The following NRXN3 variants were observed in gnomAD, a reference collection of about 807,000 sequenced individuals.
NRXN3 encodes neurexin III.
A neutral mutation model predicts 137.6 loss-of-function variants in NRXN3; 32 were observed. The observed-to-expected ratio is 0.23, with a 90% CI of 0.18 to 0.31. The LOEUF is 0.31. Among genes scored for constraint, NRXN3 ranks in the 10% least tolerant of loss-of-function variants. The pLI, the probability that NRXN3 is intolerant of heterozygous loss-of-function variation, is 1.00. For synonymous variants in NRXN3, 798 were observed against 784.5 expected (o/e 1.02, Z -0.29); for missense variants, 1,574 against 2,062.5 (o/e 0.76, Z 4.59).
intron 4 of NRXN3, among the ~76,000 whole-genome samples, chr14:78,351,892 C>T (rs1440411216): frequency 2.0e-5 from 3 of 150,382 alleles, no homozygotes; most frequent in Non-Finnish European, 4.4e-5. Context: ...AAAAAATCTC[C>T]TCCTATTTCG....
intron 4 of NRXN3, among the ~76,000 whole-genome samples, chr14:78,561,004 T>C (rs1182612018): frequency 1.3e-5 from 2 of 152,232 alleles, no homozygotes; most frequent in Non-Finnish European, 2.9e-5. Context: ...GCTGCAGTAA[T>C]ACATTACTTC....
At chr14:79,773,187 A>G (rs2139854594) in intron 19 of NRXN3, among the ~76,000 whole-genome samples, 1 of 152,328 alleles carries the variant, frequency 6.6e-6, no homozygotes, top group East Asian at 1.9e-4. Context: ...GTGGGACTGT[A>G]AACTAGTTCA....
intron 20 of NRXN3, among the ~76,000 whole-genome samples, chr14:79,818,154 C>T (rs999952918): frequency 1.2e-4 from 18 of 147,674 alleles, no homozygotes; most frequent in Non-Finnish European, 2.2e-4. Flanking sequence ...CCCGGGTTCA[C>T]GCCATTCTCC....
chr14:79,856,401 C>T (rs1218329978), intron 20 of NRXN3, among the ~76,000 whole-genome samples: 1 of 152,058 alleles, frequency 6.6e-6, no homozygotes, highest in African/African-American at 2.4e-5. Flanking sequence ...ATTATTTCCC[C>T]TTATCATGTG....
chr14:78,292,217 A>G (rs998853422), intron 3 of NRXN3, among the ~76,000 whole-genome samples: 1 of 152,248 alleles, frequency 6.6e-6, no homozygotes, highest in Non-Finnish European at 1.5e-5. Flanking sequence ...TTGCTTTCAT[A>G]GCCATTTCCA....
intron 8 of NRXN3, among the ~76,000 whole-genome samples, chr14:78,722,747 A>C (rs578226552): frequency 6.6e-6 from 1 of 152,324 alleles, no homozygotes; most frequent in Admixed American, 6.5e-5. Flanking sequence ...GCTACGTGCC[A>C]GGGACTGTGT....
intron 19 of NRXN3, among the ~76,000 whole-genome samples, chr14:79,726,974 T>C (rs2098894109): frequency 6.6e-6 from 1 of 152,158 alleles, no homozygotes; most frequent in Non-Finnish European, 1.5e-5. Flanking sequence ...GTATTTACAC[T>C]GTTGGGAAAA....
intron 14 of NRXN3, among the ~76,000 whole-genome samples, chr14:78,980,928 A>G (rs1485349123): frequency 6.6e-6 from 1 of 152,224 alleles, no homozygotes; most frequent in Non-Finnish European, 1.5e-5. Context: ...AAGAGCAAAA[A>G]TAACTTATAC....
chr14:78,471,329 CACA>C (rs2095266623), intron 4 of NRXN3, among the ~76,000 whole-genome samples: 1 of 10,546 alleles, frequency 9.5e-5, no homozygotes, highest in Non-Finnish European at 2.5e-4. Context: ...CACACACACA[CACA>C]CCCCCAAGAA....
chr14:78,620,566 G>A (rs567419166), intron 4 of NRXN3, among the ~76,000 whole-genome samples: 1 of 152,304 alleles, frequency 6.6e-6, no homozygotes, highest in South Asian at 2.1e-4. Context: ...CCCTCACCCA[G>A]AGTGGATGGT....
chr14:79,394,271 A>G (rs1312430271), intron 15 of NRXN3, among the ~76,000 whole-genome samples: 1 of 152,228 alleles, frequency 6.6e-6, no homozygotes, highest in East Asian at 1.9e-4. Flanking sequence ...CAATGATGAT[A>G]ATAATAACAG....
intron 15 of NRXN3, among the ~76,000 whole-genome samples, 169 bp from the exon 16 acceptor site, chr14:79,467,052 G>T (rs2096436566): frequency 6.6e-6 from 1 of 152,228 alleles, no homozygotes; most frequent in East Asian, 1.9e-4. Flanking sequence ...AATTTGGGGT[G>T]ATAGCTGCCT....
intron 2 of NRXN3, among the ~76,000 whole-genome samples, chr14:78,268,273 T>C (rs895130662): frequency 5.4e-5 from 8 of 148,724 alleles, no homozygotes; most frequent in Non-Finnish European, 1.2e-4. Context: ...CCGTTTTGTT[T>C]TGTTTTGTTT....
chr14:78,333,637 T>C (rs1422093664), intron 4 of NRXN3, among the ~76,000 whole-genome samples: 3 of 152,090 alleles, frequency 2.0e-5, no homozygotes, highest in Non-Finnish European at 4.4e-5. Context: ...GAGACCTCAC[T>C]GAGGATATGA....
At chr14:78,409,255 T>C (rs1488990122) in intron 4 of NRXN3, among the ~76,000 whole-genome samples, 1 of 152,228 alleles carries the variant, frequency 6.6e-6, no homozygotes, top group Non-Finnish European at 1.5e-5. Context: ...TACCATTCTA[T>C]GTGCTTTATG....
chr14:78,908,863 T>C (rs1376232842), intron 10 of NRXN3, among the ~76,000 whole-genome samples: 1 of 152,134 alleles, frequency 6.6e-6, no homozygotes, highest in Non-Finnish European at 1.5e-5. Context: ...ATTAGCAGTT[T>C]ATAAGTAGAA....
chr14:79,847,011 T>C (rs2099377820), intron 20 of NRXN3, among the ~76,000 whole-genome samples: 1 of 152,190 alleles, frequency 6.6e-6, no homozygotes, highest in South Asian at 2.1e-4. Flanking sequence ...GAGAAAGTGC[T>C]TAAAAATTCT....
chr14:78,996,190 T>C (rs2099529692), intron 15 of NRXN3, among the ~76,000 whole-genome samples: 1 of 152,208 alleles, frequency 6.6e-6, no homozygotes, highest in Non-Finnish European at 1.5e-5. Flanking sequence ...ACCTCTTTCA[T>C]ACACAATTAC....
At chr14:79,485,600 G>A (rs772599086) in intron 16 of NRXN3, among the ~76,000 whole-genome samples, 8 of 151,968 alleles carry the variant, frequency 5.3e-5, no homozygotes, top group South Asian at 4.1e-4. Flanking sequence ...GTGTGTGTGC[G>A]TGCCTATCTG....
Sources: allele counts gnomAD v4.1 joint callset (sites outside exome capture counted in the v4.1 genomes callset), GRCh38; gene constraint gnomAD v4.1.1; transcripts MANE v1.5; gene names NCBI Gene and HGNC (gene_info 2026-07-23, HGNC 2026-07-21).